Variants in ATP8A2 observed in about 807,000 individuals in gnomAD.
The protein encoded by ATP8A2 is ATPase phospholipid transporting 8A2.
ATP8A2 carries 100 observed loss-of-function variants against 165.6 expected under a neutral mutation model. The ratio of observed to expected loss-of-function variants is 0.60; its 90% CI spans 0.51 to 0.71. ATP8A2 has a LOEUF of 0.71. ATP8A2 is among the 30% of genes least tolerant of loss of function. ATP8A2 has a pLI of 0.00. For synonymous variants in ATP8A2, 543 were observed against 548.8 expected, an observed-to-expected ratio of 0.99 and a Z score of 0.15; for missense variants, 1,227 against 1,479.5, an observed-to-expected ratio of 0.83 and a Z score of 2.80.
intron 27 of ATP8A2, among the ~76,000 whole-genome samples, chr13:25,781,382 C>G (rs1190350977): frequency 1.3e-5 from 2 of 152,072 alleles, no homozygotes; most frequent in Non-Finnish European, 2.9e-5. Flanking sequence ...ACATATATTT[C>G]CTTTTGCTGT....
intron 36 of ATP8A2, among the ~76,000 whole-genome samples, chr13:26,019,239 C>CAA (rs369411184): frequency 6.0e-5 from 9 of 150,700 alleles, no homozygotes; most frequent in Admixed American, 5.3e-4. Context: ...ACTAAAAATA[C>CAA]AAAAAAAAAT....
chr13:25,687,111 C>T (rs1260385020), intron 24 of ATP8A2, among the ~76,000 whole-genome samples: 1 of 152,152 alleles, frequency 6.6e-6, no homozygotes, highest in East Asian at 1.9e-4. Context: ...CAGAGGAGAG[C>T]ACATGGCCCA....
At chr13:26,017,386 C>T (rs556686890) in intron 36 of ATP8A2, among the ~76,000 whole-genome samples, 3 of 152,196 alleles carry the variant, frequency 2.0e-5, no homozygotes, top group East Asian at 1.9e-4. Context: ...CTGGAGCAGA[C>T]GAAGCAGTGT....
At chr13:25,501,144 T>C (rs1340488921) in intron 2 of ATP8A2, among the ~76,000 whole-genome samples, 1 of 152,202 alleles carries the variant, frequency 6.6e-6, no homozygotes, top group Non-Finnish European at 1.5e-5. Context: ...TTTAAAAATG[T>C]ACCTGGGATT....
At chr13:25,384,198 G>GT (rs1197265579) in intron 1 of ATP8A2, among the ~76,000 whole-genome samples, 1 of 152,118 alleles carries the variant, frequency 6.6e-6, no homozygotes, top group Non-Finnish European at 1.5e-5. Context: ...TCTGGTTCTT[G>GT]TTCCTTTGCA....
chr13:25,814,098 G>GACACAGAC (rs146960323), intron 27 of ATP8A2, among the ~76,000 whole-genome samples: 2 of 149,418 alleles, frequency 1.3e-5, no homozygotes, highest in African/African-American at 4.9e-5. Flanking sequence ...CACACATACA[G>GACACAGAC]ACACACACAC....
chr13:25,519,277 CT>C (rs1180972605), intron 2 of ATP8A2, among the ~76,000 whole-genome samples: 3 of 152,164 alleles, frequency 2.0e-5, no homozygotes, highest in Non-Finnish European at 4.4e-5. Context: ...GAAAATAATC[CT>C]CCTCCCAGCC....
At chr13:25,513,233 T>C (rs2037329041) in intron 2 of ATP8A2, among the ~76,000 whole-genome samples, 1 of 146,344 alleles carries the variant, frequency 6.8e-6, no homozygotes, top group Non-Finnish European at 1.5e-5. Context: ...GTCTCCTCAC[T>C]TCTCAGACGG....
chr13:25,774,211 AT>A (rs1281354304), intron 26 of ATP8A2, among the ~76,000 whole-genome samples: 3 of 152,254 alleles, frequency 2.0e-5, no homozygotes, highest in African/African-American at 7.2e-5. Flanking sequence ...CACATACACC[AT>A]GGAATACTAT....
intron 1 of ATP8A2, among the ~76,000 whole-genome samples, chr13:25,429,602 C>T (rs1367530563): frequency 6.6e-6 from 1 of 152,104 alleles, no homozygotes; most frequent in Non-Finnish European, 1.5e-5. Context: ...CCTTAATAGA[C>T]TGCCACATAA....
chr13:25,898,823 C>T (rs1593526194), intron 33 of ATP8A2, among the ~76,000 whole-genome samples: 1 of 152,216 alleles, frequency 6.6e-6, no homozygotes, highest in East Asian at 1.9e-4. Context: ...ATAGAACCCT[C>T]CGAGCTAGGT....
chr13:25,563,550 G>T (rs1305525719), intron 15 of ATP8A2, among the ~76,000 whole-genome samples: 4 of 151,958 alleles, frequency 2.6e-5, no homozygotes, highest in African/African-American at 9.7e-5. Flanking sequence ...CTACATATGC[G>T]CTCTGGCCAC....
intron 36 of ATP8A2, among the ~76,000 whole-genome samples, chr13:26,017,652 C>T (rs1957008802): frequency 6.6e-6 from 1 of 152,186 alleles, no homozygotes; most frequent in Non-Finnish European, 1.5e-5. Flanking sequence ...GGAGTGGTGG[C>T]ATTTGCTCTT....
intron 33 of ATP8A2, among the ~76,000 whole-genome samples, chr13:25,921,461 C>CAAAA (rs60085641): frequency 7.5e-6 from 1 of 133,700 alleles, no homozygotes; most frequent in African/African-American, 2.7e-5. Context: ...GCTAAAAATA[C>CAAAA]AAAAAAAAAA....
At chr13:25,582,415 G>T (rs997590137) in intron 23 of ATP8A2, among the ~76,000 whole-genome samples, 1 of 152,212 alleles carries the variant, frequency 6.6e-6, no homozygotes, top group Admixed American at 6.5e-5. Context: ...GCATCACAGA[G>T]ATGAAAATTG....
At chr13:25,454,060 G>A (rs1453918175) in intron 1 of ATP8A2, among the ~76,000 whole-genome samples, 1 of 152,142 alleles carries the variant, frequency 6.6e-6, no homozygotes, top group Admixed American at 6.5e-5. Context: ...ATGAGGTTGC[G>A]ACTGCTAAAC....
rs531620080 is a variant in ATP8A2 at position 25,807,917 on chromosome 13, C to A, written c.2680-20201C>A. On this transcript the variant is annotated intron_variant, in intron 27 of 36. Transcript: ENST00000381655. Reference sequence around the variant, plus strand: ...TTTTAATATTTTATGTTTTATTGTTCTTTTTTTCTACAGTAAGCTACTCAT... The same window carrying A: ...TTTTAATATTTTATGTTTTATTGTTATTTTTTTCTACAGTAAGCTACTCAT... 1.4e-4 allele frequency among the ~76,000 whole-genome samples: 22 copies of A among 152,120 alleles called. No homozygotes were observed. In the South Asian group the frequency reaches 1.9e-3, roughly 13 times the overall value.
chr13:25,673,075 A>G (rs79332463), intron 24 of ATP8A2, among the ~76,000 whole-genome samples: 4,267 of 152,256 alleles, frequency 0.028, 187 homozygotes, highest in African/African-American at 0.096. Flanking sequence ...AAACATGAAT[A>G]GTGTATTAGA....
intron 29 of ATP8A2, among the ~76,000 whole-genome samples, chr13:25,838,180 G>A (rs752521478): frequency 5.3e-5 from 8 of 152,208 alleles, no homozygotes; most frequent in African/African-American, 1.7e-4. Flanking sequence ...TTCCTGGGCC[G>A]TCAGTGAGAA....
Sources: gnomAD v4.1 joint callset for allele counts (sites outside exome capture counted in the v4.1 genomes callset) on GRCh38, gnomAD v4.1.1 for gene constraint, MANE v1.5 for transcripts, NCBI Gene and HGNC (gene_info 2026-07-23, HGNC 2026-07-21) for gene names.